The following ARHGAP12 variants were observed in gnomAD, a reference collection of about 807,000 sequenced individuals.
ARHGAP12 encodes rho GTPase-activating protein 12.
In ARHGAP12, 64 loss-of-function variants were observed where a neutral mutation model predicts 108.6. The ratio of observed to expected loss-of-function variants is 0.59; its 90% CI spans 0.48 to 0.73. ARHGAP12 has a LOEUF of 0.73. Ranked by LOEUF, ARHGAP12 falls within the 30% of genes least tolerant of loss-of-function variation. The pLI, the probability that ARHGAP12 is intolerant of heterozygous loss-of-function variation, is 0.00. For missense variants in ARHGAP12, 940 were observed against 1,005.9 expected (o/e 0.93, Z 0.89); for synonymous variants, 312 against 337.2 (o/e 0.93, Z 0.82).
At chr10:31,841,741 T>C (rs750970084) in intron 7 of ARHGAP12, among the ~76,000 whole-genome samples, 19 of 152,188 alleles carry the variant, frequency 1.2e-4, no homozygotes, top group South Asian at 2.1e-4. Flanking sequence ...TTTCAACTTA[T>C]GTGGGTTTAC....
intron 14 of ARHGAP12, 62 bp downstream of exon 14, chr10:31,814,197 A>C: frequency 7.4e-7 from 1 of 1,350,218 alleles, no homozygotes; most frequent in Non-Finnish European, 1.1e-6. Context: ...TGTATTTAAA[A>C]CCTTCAAAAA....
chr10:31,835,202 G>GA (rs952540519), intron 9 of ARHGAP12, among the ~76,000 whole-genome samples: 1,262 of 59,778 alleles, frequency 0.021, 14 homozygotes, highest in African/African-American at 0.057. Context: ...CGTCTCAAAA[G>GA]AAAAAAAAAA....
At chr10:31,826,005 C>A (rs1301366540) in intron 11 of ARHGAP12, among the ~76,000 whole-genome samples, 1 of 152,158 alleles carries the variant, frequency 6.6e-6, no homozygotes, top group Non-Finnish European at 1.5e-5. Context: ...AAAGCTTTAA[C>A]ATCCTGAAAA....
intron 12 of ARHGAP12, among the ~76,000 whole-genome samples, chr10:31,819,523 A>G (rs568352595): frequency 1.3e-5 from 2 of 152,324 alleles, no homozygotes; most frequent in South Asian, 2.1e-4. Context: ...AGTCTCCTGA[A>G]CAGTCTTAAC....
Position 31,908,496 on chromosome 10 carries a change from C to T in ARHGAP12, c.360G>A (p.Ser120=), listed in dbSNP as rs765176830. The T allele has an allele frequency of 1.1e-5, 17 of 1,614,084 alleles. No individual in the cohort carries two copies. Among genetic ancestry groups the T allele is most frequent in the Admixed American group, 6.7e-5 (4 of 60,004 alleles). ...TAAGACCTGTTCCTTGAACAGATGA[C>T]GATGGCTTTCCGAAACTTGAAAGCT... ...LPELSSFGKP[S]SSVQGTGLIR... is the part of the protein sequence containing the mutation. The change falls in exon 3 of 20, where the codon TCG becomes TCA. Residue 120 remains serine, a synonymous_variant. Coordinates refer to ENST00000344936, the MANE Select transcript of ARHGAP12 (RefSeq NM_018287.7).
At chr10:31,835,805 T>C (rs555584969) in intron 9 of ARHGAP12, among the ~76,000 whole-genome samples, 39 of 152,232 alleles carry the variant, frequency 2.6e-4, no homozygotes, top group Non-Finnish European at 4.7e-4. Context: ...AATCCATACA[T>C]AGAAACAGAA....
chr10:31,925,945 T>C lies in ARHGAP12; in HGVS notation c.-111+2738A>G, dbSNP rs1279319561. Reference sequence around the variant, plus strand: ...GATATTGTGAATATACTAAGTAAAATATATTCATTTATTTCACTTTTTTTC... The same window carrying C: ...GATATTGTGAATATACTAAGTAAAACATATTCATTTATTTCACTTTTTTTC... On this transcript the variant is annotated intron_variant, in intron 1 of 19. Transcript: ENST00000344936. 6.6e-5 allele frequency among the ~76,000 whole-genome samples: 10 copies of C among 152,332 alleles called. No individual in the cohort carries two copies. In the East Asian group the frequency reaches 1.5e-3, roughly 23 times the overall value.
chr10:31,808,958 A>G (rs778302483), intron 18 of ARHGAP12, 36 bp downstream of exon 18: 14 of 1,529,070 alleles, frequency 9.2e-6, no homozygotes, highest in East Asian at 4.5e-5. Flanking sequence ...AGAATTTTCA[A>G]TATCTAGAAA....
At chr10:31,808,779 T>A in intron 18 of ARHGAP12, 28 bp from the exon 19 acceptor site, 11 of 1,606,114 alleles carry the variant, frequency 6.8e-6, no homozygotes, top group Non-Finnish European at 9.4e-6. Context: ...CCAGATATTT[T>A]ACAGCAAATT....
intron 4 of ARHGAP12, among the ~76,000 whole-genome samples, chr10:31,855,129 A>G (rs1592293616): frequency 1.7e-5 from 1 of 60,408 alleles, no homozygotes; most frequent in Non-Finnish European, 2.9e-5. Flanking sequence ...AGGGAGGGGG[A>G]GAAGGGGAGG....
intron 10 of ARHGAP12, among the ~76,000 whole-genome samples, chr10:31,827,399 A>G (rs1195968621): frequency 1.3e-5 from 2 of 152,234 alleles, no homozygotes; most frequent in Non-Finnish European, 2.9e-5. Flanking sequence ...ATTACCCTAT[A>G]TAAGGACACA....
chr10:31,835,377 T>C (rs1175401074), intron 9 of ARHGAP12, among the ~76,000 whole-genome samples: 1 of 152,130 alleles, frequency 6.6e-6, no homozygotes, highest in African/African-American at 2.4e-5. Flanking sequence ...ACATGAATAT[T>C]TGTTGGTCTA....
chr10:31,898,229 C>T (rs1266704311), intron 3 of ARHGAP12, among the ~76,000 whole-genome samples: 1 of 152,074 alleles, frequency 6.6e-6, no homozygotes, highest in Non-Finnish European at 1.5e-5. Flanking sequence ...AATAATAAGG[C>T]AACGCAACTT....
intron 3 of ARHGAP12, among the ~76,000 whole-genome samples, chr10:31,889,337 G>C (rs565583252): frequency 1.3e-5 from 2 of 152,290 alleles, no homozygotes; most frequent in African/African-American, 4.8e-5. Context: ...TCTGTCAATT[G>C]CTTTGATTAA....
chr10:31,886,093 T>G (rs1294185450), intron 3 of ARHGAP12, among the ~76,000 whole-genome samples: 1 of 152,214 alleles, frequency 6.6e-6, no homozygotes, highest in Non-Finnish European at 1.5e-5. Flanking sequence ...GTTTAAACCA[T>G]CTGCTTGGCA....
intron 14 of ARHGAP12, 112 bp downstream of exon 14, chr10:31,814,146 GC>G (rs1292711898): frequency 1.2e-5 from 10 of 818,984 alleles, no homozygotes; most frequent in East Asian, 7.4e-5. Flanking sequence ...TAACTGCACA[GC>G]CCTTTTGTAA....
chr10:31,861,699 A>G (rs1837124887), intron 3 of ARHGAP12, 41 bp from the exon 4 acceptor site: 2 of 1,533,532 alleles, frequency 1.3e-6, no homozygotes, highest in Non-Finnish European at 1.7e-6. Context: ...TTAAACTGGT[A>G]TAACATTTAA....
intron 11 of ARHGAP12, 140 bp from the exon 12 acceptor site, chr10:31,820,628 C>A: frequency 2.3e-6 from 1 of 436,064 alleles, no homozygotes; most frequent in Non-Finnish European, 3.8e-6. Flanking sequence ...TATAAAGTAA[C>A]AATTTCTACT....
chr10:31,861,970 T>A (rs1564396560), intron 3 of ARHGAP12, among the ~76,000 whole-genome samples: 1 of 152,348 alleles, frequency 6.6e-6, no homozygotes, highest in East Asian at 1.9e-4. Context: ...TTGGGTAACA[T>A]CACTTTACTT....
Sources: gnomAD v4.1 joint callset for allele counts (sites outside exome capture counted in the v4.1 genomes callset) on GRCh38, gnomAD v4.1.1 for gene constraint, MANE v1.5 for transcripts, NCBI Gene and HGNC (gene_info 2026-07-23, HGNC 2026-07-21) for gene names.